PAGE1: variants seen among roughly 807,000 people sequenced by gnomAD.
PAGE1 encodes P antigen family member 1.
Under a neutral mutation model 11.5 loss-of-function variants are expected in PAGE1, and 6 were observed. The observed-to-expected ratio is 0.52, with a 90% CI of 0.29 to 1.03. PAGE1 has a LOEUF of 1.03. Among genes scored for constraint, PAGE1 ranks in the 50% least tolerant of loss-of-function variants. The probability of loss-of-function intolerance (pLI) is 0.09; values close to 1 mark genes in which losing one functional copy is unlikely to be tolerated. For synonymous variants in PAGE1, 42 were observed against 40.2 expected, an observed-to-expected ratio of 1.05 and a Z score of -0.17; for missense variants, 120 against 110.2, an observed-to-expected ratio of 1.09 and a Z score of -0.40.
chrX:49,689,403 TA>T lies in PAGE1; in HGVS notation c.418+14del. On this transcript the variant is annotated intron_variant, in intron 5 of 5. Coordinates refer to ENST00000376150, the MANE Select transcript of PAGE1 (RefSeq NM_003785.4). Reference sequence around the variant, plus strand: ...ACAGACACCCTACAATTTGCATGCCTAATGGATTGCCTACCTTCCTCAGGTG... The same window carrying T: ...ACAGACACCCTACAATTTGCATGCCTATGGATTGCCTACCTTCCTCAGGTG... 1 of 1,090,006 alleles carries T rather than the reference TA, an allele frequency of 9.2e-7. No homozygotes were observed. Among genetic ancestry groups the T allele is most frequent in the East Asian group, 4.2e-5 (1 of 23,760 alleles). The allele number at this position is 1,090,006 out of a possible 1,213,427, so 89.8% of individuals were successfully genotyped here.
intron 4 of PAGE1, among the ~76,000 whole-genome samples, chrX:49,689,774 GTA>G (rs1299338318): frequency 1.3e-4 from 8 of 59,834 alleles, no homozygotes; most frequent in Admixed American, 2.2e-4. Flanking sequence ...ATATATGTGT[GTA>G]TATATACACA....
At chrX:49,694,832 C>T in intron 1 of PAGE1, 54 bp from the exon 2 acceptor site, 3 of 625,948 alleles carry the variant, frequency 4.8e-6, no homozygotes, top group Admixed American at 5.6e-5. Context: ...CAGCTATATT[C>T]GATCACTTCC....
At position 49,689,952 on chromosome X, in the gene PAGE1, C is replaced by T. The variant is rs782195138; in HGVS notation, c.293-409G>A. On this transcript the variant is annotated intron_variant, in intron 4 of 5. Transcript: ENST00000376150. Reference sequence around the variant, plus strand: ...GGGTGTATATATATGTGTGTATATACACACATATATATGTGTATATATATG... The same window carrying T: ...GGGTGTATATATATGTGTGTATATATACACATATATATGTGTATATATATG... Among the ~76,000 whole-genome samples, 4 of 53,436 alleles carry T rather than the reference C, an allele frequency of 7.5e-5. 1 individual carries two copies. Among genetic ancestry groups the T allele is most frequent in the Non-Finnish European group, 1.3e-4 (4 of 31,111 alleles). 46.4% of individuals were successfully genotyped at this position (53,436 alleles called of 115,157 possible).
chrX:49,695,975 T>G lies in PAGE1; in HGVS notation c.-115A>C, dbSNP rs1453986097. On this transcript the variant is annotated 5_prime_UTR_variant, in exon 1 of 6. Transcript: ENST00000376150. The stretch of plus-strand genomic sequence containing the variant: ...GCGACTGCACACTCTCACAGCTCCC[T>G]GGCGTTCTCCACGTGGGCGAAGGGG... The G allele has an allele frequency of 8.7e-6, 1 of 115,358 alleles. No homozygotes were observed. Among genetic ancestry groups the G allele is most frequent in the African/African-American group, 3.2e-5 (1 of 30,848 alleles). The allele number at this position is 115,358 out of a possible 1,213,427, so 9.5% of individuals were successfully genotyped here. A position where few individuals can be genotyped will look rare whatever the true frequency, so the allele number is the denominator to read the frequency against.
rs782258550 is a variant in PAGE1 at position 49,694,243 on chromosome X, A to T, written c.64-42T>A. The T allele has an allele frequency of 6.3e-5, 50 of 798,535 alleles. No individual in the cohort carries two copies. The Admixed American group carries it at 1.4e-3, about 22-fold the overall frequency. 65.8% of individuals were successfully genotyped at this position (798,535 alleles called of 1,213,427 possible). ...TGTGTGTGAGTGTGCAAAGACAAAA[A>T]GTTTTGTTATTAATACATGTCAAAA... On this transcript the variant is annotated intron_variant, in intron 2 of 5. Coordinates refer to ENST00000376150, the MANE Select transcript of PAGE1 (RefSeq NM_003785.4).
At chrX:49,689,738 ATATATG>A (rs1870657459) in intron 4 of PAGE1, among the ~76,000 whole-genome samples, 195 bp from the exon 5 acceptor site, 1 of 61,513 alleles carries the variant, frequency 1.6e-5, no homozygotes, top group African/African-American at 7.7e-5. Flanking sequence ...ATATACACAC[ATATATG>A]TATATGTGTA....
At chrX:49,689,670 A>G (rs1557141673) in intron 4 of PAGE1, 127 bp from the exon 5 acceptor site, 1 of 88,924 alleles carries the variant, frequency 1.1e-5, no homozygotes. Flanking sequence ...ATATATACAT[A>G]TACATATATG....
At position 49,689,503 on chromosome X, in the gene PAGE1, C is replaced by T. The variant is rs369037510; in HGVS notation, c.333G>A (p.Pro111=). 4.5e-5 allele frequency: 41 copies of T among 905,340 alleles called. No individual in the cohort carries two copies. The highest frequency in any genetic ancestry group is 3.2e-4 in the Middle Eastern group (1 of 3,094). 74.6% of individuals were successfully genotyped at this position (905,340 alleles called of 1,213,427 possible). ...CATCTCCGCGCTCACACCCAGTCTT[C>T]GGGTGAACCTGTTCCTGGCTATCCG... ...PEADSQEQVH[P]KTGCERGDGP... The change falls in exon 5 of 6, where the codon CCG becomes CCA. Residue 111 remains proline (P), a synonymous_variant. Transcript: ENST00000376150.
At position 49,694,190 on chromosome X, in the gene PAGE1, A is replaced by G. The variant is rs1557142564; in HGVS notation, c.75T>C (p.Asp25=). Reference sequence around the variant, plus strand: ...GTGATTCCACTTCGTCAGGTTGCTCATCACTGGACTCCTTGTGGTAGGGAA... The same window carrying G: ...GTGATTCCACTTCGTCAGGTTGCTCGTCACTGGACTCCTTGTGGTAGGGAA... The part of the protein sequence containing the change: ...IYVESSEESS[D]EQPDEVESPT... The change falls in exon 3 of 6, where the codon GAT becomes GAC. Residue 25 remains aspartate (D), a synonymous_variant. Coordinates refer to ENST00000376150, the MANE Select transcript of PAGE1 (RefSeq NM_003785.4). The G allele has an allele frequency of 7.8e-6, 9 of 1,159,802 alleles. No homozygotes were observed. The Admixed American group carries it at 2.2e-4, about 28-fold the overall frequency.
At chrX:49,689,729 T>C (rs868924074) in intron 4 of PAGE1, among the ~76,000 whole-genome samples, 186 bp from the exon 5 acceptor site, 3 of 60,665 alleles carry the variant, frequency 4.9e-5, no homozygotes, top group African/African-American at 1.5e-4. Flanking sequence ...TATATGTATA[T>C]ATACACACAT....
chrX:49,689,638 A>G, intron 4 of PAGE1, 95 bp from the exon 5 acceptor site: 2 of 97,572 alleles, frequency 2.0e-5, no homozygotes, highest in Non-Finnish European at 3.1e-5. Flanking sequence ...ATACATATAC[A>G]TATATATGTG....
intron 5 of PAGE1, among the ~76,000 whole-genome samples, chrX:49,687,842 T>A (rs1451079236): frequency 8.9e-6 from 1 of 112,892 alleles, no homozygotes; most frequent in Non-Finnish European, 1.9e-5. Context: ...AACACATGTG[T>A]AAAACATACT....
chrX:49,689,678 ATGTG>A, intron 4 of PAGE1, 135 bp from the exon 5 acceptor site: 1 of 85,597 alleles, frequency 1.2e-5, no homozygotes, highest in Non-Finnish European at 1.9e-5. Context: ...ATATACATAT[ATGTG>A]TGTATATATA....
At chrX:49,688,815 A>T (rs1557141332) in intron 5 of PAGE1, among the ~76,000 whole-genome samples, 2 of 111,776 alleles carry the variant, frequency 1.8e-5, no homozygotes, top group African/African-American at 6.5e-5. Context: ...GGTGTTACAA[A>T]TGTGTTATGT....
At chrX:49,689,065 G>A (rs1254390391) in intron 5 of PAGE1, among the ~76,000 whole-genome samples, 1 of 111,670 alleles carries the variant, frequency 9.0e-6, no homozygotes, top group Non-Finnish European at 1.9e-5. Context: ...ACTGGGTCAG[G>A]TGCAGTGGCT....
At chrX:49,688,756 G>C (rs189481463) in intron 5 of PAGE1, among the ~76,000 whole-genome samples, 23 of 111,979 alleles carry the variant, frequency 2.1e-4, no homozygotes, top group African/African-American at 7.4e-4. Context: ...TGTAAGAGCT[G>C]GTATTAGAAC....
At chrX:49,691,732 T>C (rs1304773355) in intron 3 of PAGE1, among the ~76,000 whole-genome samples, 3 of 111,787 alleles carry the variant, frequency 2.7e-5, no homozygotes, top group Non-Finnish European at 3.8e-5. Flanking sequence ...TTATATGGCA[T>C]GAGTAGGCAC....
chrX:49,689,864 GTA>G (rs782243466), intron 4 of PAGE1, among the ~76,000 whole-genome samples: 3 of 54,838 alleles, frequency 5.5e-5, no homozygotes, highest in Non-Finnish European at 8.6e-5. Context: ...ATATAGGTGT[GTA>G]TATATGTGTA....
rs781903185 is a variant in PAGE1, at chrX:49,689,387, C to T, written c.418+31G>A. On this transcript the variant is annotated intron_variant, in intron 5 of 5. Coordinates refer to ENST00000376150, the MANE Select transcript of PAGE1 (RefSeq NM_003785.4). The stretch of plus-strand genomic sequence containing the variant: ...ATATGATACTGTGGAAACAGACACC[C>T]TACAATTTGCATGCCTAATGGATTG... 9.4e-5 allele frequency: 96 copies of T among 1,022,357 alleles called. No homozygotes were observed. In the Middle Eastern group the frequency reaches 1.2e-3, roughly 12 times the overall value. The allele number at this position is 1,022,357 out of a possible 1,213,427, so 84.3% of individuals were successfully genotyped here.
Sources: gnomAD v4.1 joint callset for allele counts (sites outside exome capture counted in the v4.1 genomes callset) on GRCh38, gnomAD v4.1.1 for gene constraint, MANE v1.5 for transcripts, NCBI Gene and HGNC (gene_info 2026-07-23, HGNC 2026-07-21) for gene names.